OR1D2: variants seen among roughly 807,000 people sequenced by gnomAD.
OR1D2 encodes the protein olfactory receptor family 1 subfamily D member 2.
For synonymous variants in OR1D2, 157 were observed against 153.9 expected, an observed-to-expected ratio of 1.02 and a Z score of -0.15; for missense variants, 357 against 376.1, an observed-to-expected ratio of 0.95 and a Z score of 0.42.
chr17:3,103,837 C>A (rs1441468234), intron 1 of OR1D2, among the ~76,000 whole-genome samples: 1 of 152,132 alleles, frequency 6.6e-6, no homozygotes, highest in Non-Finnish European at 1.5e-5. Flanking sequence ...CTGCCTAAAT[C>A]CCCTCTTCTC....
At chr17:3,102,318 A>G (rs971095113) in intron 1 of OR1D2, among the ~76,000 whole-genome samples, 2 of 152,126 alleles carry the variant, frequency 1.3e-5, no homozygotes, top group Non-Finnish European at 2.9e-5. Context: ...CCTTACCTCA[A>G]TGTAGCAAGT....
chr17:3,095,995 T>C (rs1257322442), intron 1 of OR1D2, among the ~76,000 whole-genome samples: 1 of 152,148 alleles, frequency 6.6e-6, no homozygotes, highest in Non-Finnish European at 1.5e-5. Context: ...CTATATATCA[T>C]TGGACTTAAG....
Position 3,094,336 on chromosome 17 carries a change from C to T in OR1D2, c.-50-1290G>A, listed in dbSNP as rs1028849939. ...TACTATAGTGTGCCTTTTTTTCCTT[C>T]GAAAGCCTAATGTGTATAGAATAAA... On this transcript the variant is annotated intron_variant, in intron 1 of 1. Coordinates refer to ENST00000641833, the MANE Select transcript of OR1D2 (RefSeq NM_002548.3). Among the ~76,000 whole-genome samples the T allele has an allele frequency of 1.2e-4, 18 of 151,166 alleles. No individual in the cohort carries two copies. In the East Asian group the frequency reaches 1.5e-3, roughly 13 times the overall value.
chr17:3,095,053 T>C (rs541523684), intron 1 of OR1D2, among the ~76,000 whole-genome samples: 1 of 152,112 alleles, frequency 6.6e-6, no homozygotes, highest in African/African-American at 2.4e-5. Context: ...ACACATGGAA[T>C]GCAAGTGCTG....
intron 1 of OR1D2, among the ~76,000 whole-genome samples, chr17:3,096,394 C>T (rs990009092): frequency 1.3e-5 from 2 of 152,210 alleles, no homozygotes; most frequent in African/African-American, 4.8e-5. Flanking sequence ...GAAAAGATAC[C>T]ATGCAATCAG....
intron 1 of OR1D2, among the ~76,000 whole-genome samples, chr17:3,103,082 T>A (rs1254280988): frequency 6.6e-6 from 1 of 152,110 alleles, no homozygotes; most frequent in Non-Finnish European, 1.5e-5. Flanking sequence ...CACAAATGAC[T>A]TCTTTCTGCA....
chr17:3,090,474 C>G lies in OR1D2; in HGVS notation c.*1584G>C, dbSNP rs919310862. 6.6e-6 allele frequency: 1 copy of G among 152,194 alleles called. No individual in the cohort carries two copies. 9.4% of individuals were successfully genotyped at this position (152,194 alleles called of 1,614,324 possible). ...TCCATTTCTTTGATGGTTTCTGAAG[C>G]TTTATTTTGTTCCTTTGGCTTTGCT... is the stretch of plus-strand genomic sequence containing the variant. On this transcript the variant is annotated 3_prime_UTR_variant, in exon 2 of 2. Coordinates refer to ENST00000641833, the MANE Select transcript of OR1D2 (RefSeq NM_002548.3).
At position 3,092,880 on chromosome 17, in the gene OR1D2, C is replaced by T; in HGVS notation, c.117G>A (p.Val39=). The T allele has an allele frequency of 6.2e-7, 1 of 1,614,054 alleles. No individual in the cohort carries two copies. Residue 39 remains valine, a synonymous_variant, in exon 2 of 2, where the codon GTG becomes GTA. Transcript: ENST00000641833. ...CCAGGATGATGAGCACATTTCCCACCACCGTGACCAGGTACATGGACAGGA... is the reference window on the plus strand; with the variant it reads ...CCAGGATGATGAGCACATTTCCCACTACCGTGACCAGGTACATGGACAGGA... ...WMFLSMYLVT[V]VGNVLIILAI... is the part of the protein sequence containing the mutation.
Position 3,092,986 on chromosome 17 carries a change from C to A in OR1D2, c.11G>T (p.Gly4Val). The A allele has an allele frequency of 6.2e-7, 1 of 1,613,772 alleles. No homozygotes were observed. Among genetic ancestry groups the A allele is most frequent in the South Asian group, 1.1e-5 (1 of 91,060 alleles). ...GAACTCTGAACCTTCACTCTGGTTG[C>A]CTCCATCCATTTCCCCAACTCTCTT... MDG[G>V]NQSEGSEFLL... The change falls in exon 2 of 2, where the codon GGC becomes GTC. Residue 4 changes from glycine to valine, a missense_variant. Physicochemically the swap from Gly to Val is moderately radical, Grantham distance 109 (BLOSUM62 -3). Transcript: ENST00000641833.
At chr17:3,094,959 A>T (rs2047836655) in intron 1 of OR1D2, among the ~76,000 whole-genome samples, 1 of 152,092 alleles carries the variant, frequency 6.6e-6, no homozygotes, top group Non-Finnish European at 1.5e-5. Flanking sequence ...GATTGATATC[A>T]AGCTGAAAAA....
At chr17:3,100,533 G>A (rs1871490330) in intron 1 of OR1D2, among the ~76,000 whole-genome samples, 1 of 152,198 alleles carries the variant, frequency 6.6e-6, no homozygotes, top group African/African-American at 2.4e-5. Flanking sequence ...GCAGTGTTAA[G>A]AGGGAAATTT....
chr17:3,089,516 T>A lies in OR1D2; in HGVS notation c.*2542A>T, dbSNP rs933904538. 6.6e-6 allele frequency: 1 copy of A among 152,284 alleles called. No homozygotes were observed. Among genetic ancestry groups the A allele is most frequent in the Non-Finnish European group, 1.5e-5 (1 of 68,134 alleles). 9.4% of individuals were successfully genotyped at this position (152,284 alleles called of 1,614,324 possible). On this transcript the variant is annotated 3_prime_UTR_variant, in exon 2 of 2. Coordinates refer to ENST00000641833, the MANE Select transcript of OR1D2 (RefSeq NM_002548.3). ...CCTTTCAAGAGTGCACCAGCTGTGG[T>A]AGCATAGGGGGGATACAAACTTGCC...
At position 3,092,594 on chromosome 17, in the gene OR1D2, C is replaced by T. The variant is rs758493471; in HGVS notation, c.403G>A (p.Ala135Thr). The stretch of plus-strand genomic sequence containing the variant: ...AAGATACAGAGCTTAGGGCTCATGG[C>T]TGTGGTGTAGTGGAGGGGGCAGCAG... ...AICCPLHYTT[A>T]MSPKLCILLL... Residue 135 changes from alanine (A) to threonine (T), a missense_variant, in exon 2 of 2, where the codon GCC becomes ACC. Coordinates refer to ENST00000641833, the MANE Select transcript of OR1D2 (RefSeq NM_002548.3). The T allele has an allele frequency of 1.8e-5, 29 of 1,613,944 alleles. No homozygotes were observed. The highest frequency in any genetic ancestry group is 2.3e-5 in the Non-Finnish European group (27 of 1,180,040).
In OR1D2 at chr17:3,088,775, G is replaced by T. The variant is rs1597252651; in HGVS notation, c.*3283C>A. On this transcript the variant is annotated 3_prime_UTR_variant, in exon 2 of 2. Coordinates refer to ENST00000641833, the MANE Select transcript of OR1D2 (RefSeq NM_002548.3). ...TCGATCTTTAACTACCAGGCCCAGG[G>T]CGTGGTGACAGGCTGTCTGCCTTTA... The T allele has an allele frequency of 1.3e-5, 2 of 152,150 alleles. No homozygotes were observed. The highest frequency in any genetic ancestry group is 1.3e-4 in the Admixed American group (2 of 15,284). 9.4% of individuals were successfully genotyped at this position (152,150 alleles called of 1,614,324 possible).
chr17:3,103,733 TATGGA>T (rs1409166537), intron 1 of OR1D2, among the ~76,000 whole-genome samples: 1 of 151,920 alleles, frequency 6.6e-6, no homozygotes, highest in East Asian at 1.9e-4. Context: ...GTAGGGGCAA[TATGGA>T]AAAGGGGTCC....
chr17:3,103,312 C>T (rs1196100387), intron 1 of OR1D2, among the ~76,000 whole-genome samples: 1 of 152,056 alleles, frequency 6.6e-6, no homozygotes, highest in African/African-American at 2.4e-5. Flanking sequence ...ACGATCTCGG[C>T]TCACGGCAAT....
intron 1 of OR1D2, among the ~76,000 whole-genome samples, chr17:3,103,386 G>A (rs770053942): frequency 4.6e-5 from 7 of 152,032 alleles, no homozygotes; most frequent in Admixed American, 3.3e-4. Flanking sequence ...GATTACAGGC[G>A]TGAGCCATTG....
chr17:3,095,862 G>A (rs2047842577), intron 1 of OR1D2, among the ~76,000 whole-genome samples: 1 of 151,970 alleles, frequency 6.6e-6, no homozygotes, highest in African/African-American at 2.4e-5. Context: ...TTGGACTAAG[G>A]AAATGACTAC....
chr17:3,100,699 C>CA (rs1567949815), intron 1 of OR1D2, among the ~76,000 whole-genome samples: 1 of 151,592 alleles, frequency 6.6e-6, no homozygotes, highest in Non-Finnish European at 1.5e-5. Flanking sequence ...GATAGAGACA[C>CA]AAAAAAACCC....
Sources: gnomAD v4.1 joint callset for allele counts (sites outside exome capture counted in the v4.1 genomes callset) on GRCh38, gnomAD v4.1.1 for gene constraint, MANE v1.5 for transcripts, NCBI Gene and HGNC (gene_info 2026-07-23, HGNC 2026-07-21) for gene names.